The following TOM1L2 variants were observed in gnomAD, a reference collection of about 807,000 sequenced individuals.
TOM1L2 encodes the protein TOM1-like protein 2.
TOM1L2 carries 31 observed loss-of-function variants against 67.9 expected under a neutral mutation model. That is an observed-to-expected ratio of 0.46 (90% CI 0.34 to 0.62). The LOEUF (loss-of-function observed/expected upper bound fraction) is 0.62, where lower values mean the gene tolerates loss of function less well. TOM1L2 is among the 20% of genes least tolerant of loss of function. The pLI, the probability that TOM1L2 is intolerant of heterozygous loss-of-function variation, is 0.01. For missense variants in TOM1L2, 606 were observed against 663.5 expected (o/e 0.91, Z 0.95); for synonymous variants, 256 against 254.0 (o/e 1.01, Z -0.07).
At chr17:17,866,989 C>T in intron 8 of TOM1L2, 65 bp from the exon 9 acceptor site, 1 of 1,479,186 alleles carries the variant, frequency 6.8e-7, no homozygotes, top group Non-Finnish European at 9.5e-7. Context: ...CTGTGGGGTG[C>T]TCACTAGTCC....
chr17:17,881,650 G>A (rs1171044801), intron 6 of TOM1L2, among the ~76,000 whole-genome samples: 3 of 152,196 alleles, frequency 2.0e-5, no homozygotes, highest in Non-Finnish European at 4.4e-5. Flanking sequence ...GCCTGGTGGG[G>A]TAACAAATCA....
intron 3 of TOM1L2, among the ~76,000 whole-genome samples, chr17:17,896,419 A>G (rs372265719): frequency 6.6e-6 from 1 of 152,314 alleles, no homozygotes; most frequent in East Asian, 1.9e-4. Context: ...CAACAGTGGC[A>G]GGAACCACTG....
rs747446015 is a variant in TOM1L2, at chr17:17,848,844, C to T, written c.1354G>A (p.Glu452Lys). ...ATACCTTCACTTGTGACACCCTCCT[C>T]CAGATCATCACCCTTCTGTGGGAGG... ...LRTDLKGDDL[E>K]EGVTSEEFDK... is the part of the protein sequence containing the mutation. The change falls in exon 14 of 15, where the codon GAG becomes AAG. Residue 452 changes from glutamate (E) to lysine (K), a missense_variant. Glu to Lys is a moderately conservative substitution (Grantham distance 56). Around this residue, in one of 2 missense-constraint regions of TOM1L2, gnomAD observed 543 missense variants for 554.0 expected, o/e 0.98. Coordinates refer to ENST00000379504, the MANE Select transcript of TOM1L2 (RefSeq NM_001082968.2). 3 of 1,614,154 alleles carry T rather than the reference C, an allele frequency of 1.9e-6. No individual in the cohort carries two copies. Among genetic ancestry groups the T allele is most frequent in the Non-Finnish European group, 2.5e-6 (3 of 1,180,016 alleles).
At chr17:17,945,681 C>T (rs1015635921) in intron 1 of TOM1L2, among the ~76,000 whole-genome samples, 5 of 152,070 alleles carry the variant, frequency 3.3e-5, no homozygotes, top group African/African-American at 2.4e-5. Flanking sequence ...TTCACGGAGA[C>T]TTTCTCTGCA....
At chr17:17,916,038 T>C (rs181090156) in intron 1 of TOM1L2, among the ~76,000 whole-genome samples, 9 of 152,136 alleles carry the variant, frequency 5.9e-5, no homozygotes, top group Non-Finnish European at 1.3e-4. Context: ...TCAGAAATCT[T>C]TGCTAAATCC....
rs568067632 is a variant in TOM1L2 at position 17,853,173 on chromosome 17, G to C, written c.1279-2221C>G. Among the ~76,000 whole-genome samples, 13 of 152,334 alleles carry C rather than the reference G, an allele frequency of 8.5e-5. No homozygotes were observed. The South Asian group carries it at 2.7e-3, about 32-fold the overall frequency. ...CTGTAAGTCAGAATGTGTGGCCTCT[G>C]GGAGGACGCATGCCATGCTGAGTCC... On this transcript the variant is annotated intron_variant, in intron 12 of 14. Coordinates refer to ENST00000379504, the MANE Select transcript of TOM1L2 (RefSeq NM_001082968.2).
intron 4 of TOM1L2, among the ~76,000 whole-genome samples, chr17:17,890,678 G>A (rs1258754444): frequency 6.6e-6 from 1 of 152,216 alleles, no homozygotes; most frequent in East Asian, 1.9e-4. Flanking sequence ...CAGGAACAGA[G>A]AAGACTCGTC....
chr17:17,876,594 A>G (rs1291872530), intron 7 of TOM1L2, among the ~76,000 whole-genome samples: 4 of 152,216 alleles, frequency 2.6e-5, no homozygotes, highest in Admixed American at 1.3e-4. Flanking sequence ...AATAGTCACG[A>G]AAGCTAGGAT....
chr17:17,924,829 T>C (rs2040019509), intron 1 of TOM1L2, among the ~76,000 whole-genome samples: 2 of 152,234 alleles, frequency 1.3e-5, no homozygotes, highest in African/African-American at 4.8e-5. Flanking sequence ...TTAAATATAG[T>C]ATATTGATTC....
chr17:17,875,086 A>G (rs1054291646), intron 7 of TOM1L2, among the ~76,000 whole-genome samples: 4 of 151,962 alleles, frequency 2.6e-5, no homozygotes, highest in Non-Finnish European at 5.9e-5. Flanking sequence ...GTGAAACCCC[A>G]TCTCTACTAA....
chr17:17,849,341 G>A (rs777072681), intron 13 of TOM1L2, among the ~76,000 whole-genome samples: 5 of 152,198 alleles, frequency 3.3e-5, no homozygotes, highest in African/African-American at 4.8e-5. Context: ...GCTGGAAACC[G>A]CATGAGGCCT....
intron 1 of TOM1L2, among the ~76,000 whole-genome samples, chr17:17,957,237 T>TC (rs2041497541): frequency 6.6e-6 from 1 of 152,222 alleles, no homozygotes; most frequent in Admixed American, 6.5e-5. Flanking sequence ...TGCCTTGGCC[T>TC]CCCAAAGTGC....
chr17:17,916,583 C>T lies in TOM1L2; in HGVS notation c.53-9052G>A, dbSNP rs767376067. On this transcript the variant is annotated intron_variant, in intron 1 of 14. Transcript: ENST00000379504. ...TTGCTGAAAATCAATTGACCATATA[C>T]GGGAGAGTTTATTTCTGAGTTCTCT... Among the ~76,000 whole-genome samples the T allele has an allele frequency of 1.2e-4, 19 of 152,248 alleles. No individual in the cohort carries two copies. In the South Asian group the frequency reaches 1.9e-3, roughly 15 times the overall value.
chr17:17,897,196 C>T (rs1311251062), intron 3 of TOM1L2, among the ~76,000 whole-genome samples: 2 of 152,186 alleles, frequency 1.3e-5, no homozygotes, highest in African/African-American at 2.4e-5. Context: ...CTCATTCCCT[C>T]GTGATATGAG....
intron 4 of TOM1L2, among the ~76,000 whole-genome samples, chr17:17,890,596 T>G (rs2038225225): frequency 6.6e-6 from 1 of 152,096 alleles, no homozygotes; most frequent in Non-Finnish European, 1.5e-5. Flanking sequence ...ACGAAAGACC[T>G]AGAATCACAG....
At chr17:17,914,891 T>A (rs1035449962) in intron 1 of TOM1L2, among the ~76,000 whole-genome samples, 1 of 152,220 alleles carries the variant, frequency 6.6e-6, no homozygotes. Context: ...AAAAAAAATT[T>A]AAAAAGAGCA....
In TOM1L2 at chr17:17,845,700, G is replaced by A. The variant is rs1380347607; in HGVS notation, c.*1935C>T. The A allele has an allele frequency of 6.6e-6, 1 of 152,296 alleles. No homozygotes were observed. Among genetic ancestry groups the A allele is most frequent in the Non-Finnish European group, 1.5e-5 (1 of 68,086 alleles). 9.4% of individuals were successfully genotyped at this position (152,296 alleles called of 1,614,324 possible). A position where few individuals can be genotyped will look rare whatever the true frequency, so the allele number is the denominator to read the frequency against. Reference sequence around the variant, plus strand: ...GGCTGGGGCCTCTGGGTGCACCTGGGCCATCCCAGCCACCTTTTCTGCAGC... The same window carrying A: ...GGCTGGGGCCTCTGGGTGCACCTGGACCATCCCAGCCACCTTTTCTGCAGC... On this transcript the variant is annotated 3_prime_UTR_variant, in exon 15 of 15. Coordinates refer to ENST00000379504, the MANE Select transcript of TOM1L2 (RefSeq NM_001082968.2).
chr17:17,860,718 T>C (rs758346630), intron 12 of TOM1L2, among the ~76,000 whole-genome samples: 7 of 152,242 alleles, frequency 4.6e-5, no homozygotes, highest in Non-Finnish European at 8.8e-5. Flanking sequence ...CAGACGTGCA[T>C]TCATACACAT....
At position 17,925,682 on chromosome 17, in the gene TOM1L2, C is replaced by CAA. The variant is rs1193121320; in HGVS notation, c.53-18153_53-18152dup. ...CATAGCGACCTCACCTCGTGTCTAC[C>CAA]AAAAAAAAAAAAAAAAAAAAAAATT... On this transcript the variant is annotated intron_variant, in intron 1 of 14. Transcript: ENST00000379504. Among the ~76,000 whole-genome samples the CAA allele has an allele frequency of 2.4e-3, 195 of 79,656 alleles. 3 individuals are homozygous for CAA. Among genetic ancestry groups the CAA allele is most frequent in the African/African-American group, 7.6e-3 (149 of 19,698 alleles). 52.3% of individuals were successfully genotyped at this position (79,656 alleles called of 152,430 possible). A position where few individuals can be genotyped will look rare whatever the true frequency, so the allele number is the denominator to read the frequency against.
Sources: allele counts gnomAD v4.1 joint callset (sites outside exome capture counted in the v4.1 genomes callset), GRCh38; gene constraint gnomAD v4.1.1; regional missense constraint gnomAD v4.1.1; transcripts MANE v1.5; gene names NCBI Gene and HGNC (gene_info 2026-07-23, HGNC 2026-07-21).